DRC5: variants seen among roughly 807,000 people sequenced by gnomAD.
DRC5 encodes T-complex-associated testis-expressed protein 1.
the DRC5 span, among the ~76,000 whole-genome samples, chr6:44,283,739 C>T: frequency 1.3e-5 from 2 of 152,236 alleles, no homozygotes; most frequent in African/African-American, 4.8e-5. Flanking sequence ...CACCAATAGG[C>T]TTGTAACGCT....
the DRC5 span, among the ~76,000 whole-genome samples, chr6:44,294,675 G>GA: frequency 7.4e-6 from 1 of 135,542 alleles, no homozygotes; most frequent in Non-Finnish European, 1.5e-5. Flanking sequence ...ATAATTAGGG[G>GA]AAAAAAATGA....
chr6:44,281,022 T>C, the DRC5 span, among the ~76,000 whole-genome samples: 4 of 102,184 alleles, frequency 3.9e-5, no homozygotes, highest in Non-Finnish European at 8.6e-5. Flanking sequence ...CTCTAGAAAC[T>C]GTGTGTGTGT....
the DRC5 span, chr6:44,279,787 G>T: frequency 5.0e-6 from 1 of 198,678 alleles, no homozygotes; most frequent in Non-Finnish European, 1.0e-5. Flanking sequence ...GTGTGTGTGT[G>T]TGTGTGTGTT....
the DRC5 span, chr6:44,282,198 G>C: frequency 6.8e-6 from 11 of 1,614,232 alleles, no homozygotes; most frequent in Non-Finnish European, 8.5e-6. Context: ...GGTGGGCTCA[G>C]ACAGCTCATT....
chr6:44,296,486 A>C, the DRC5 span, among the ~76,000 whole-genome samples: 2 of 152,186 alleles, frequency 1.3e-5, no homozygotes, highest in Admixed American at 1.3e-4. Flanking sequence ...GGTCTTCTCC[A>C]TCCTTCCTCA....
chr6:44,293,743 G>C, the DRC5 span, among the ~76,000 whole-genome samples: 1 of 152,136 alleles, frequency 6.6e-6, no homozygotes, highest in Non-Finnish European at 1.5e-5. Flanking sequence ...GCCTCCCCGG[G>C]CTAAGTGCGC....
the DRC5 span, among the ~76,000 whole-genome samples, chr6:44,289,264 T>G: frequency 6.6e-6 from 1 of 151,952 alleles, no homozygotes; most frequent in African/African-American, 2.4e-5. Flanking sequence ...CTTGAACTCC[T>G]GACCTCAGGT....
chr6:44,285,849 G>T, the DRC5 span: 1 of 1,037,022 alleles, frequency 9.6e-7, no homozygotes, highest in Non-Finnish European at 1.4e-6. Flanking sequence ...AAAACACTTG[G>T]CCAATGAAAG....
At chr6:44,280,054 G>T in the DRC5 span, 1 of 854,028 alleles carries the variant, frequency 1.2e-6, no homozygotes, top group Non-Finnish European at 1.9e-6. Flanking sequence ...TACAACCCTT[G>T]ATCACTCCAA....
At chr6:44,287,515 T>C in the DRC5 span, 1 of 1,575,642 alleles carries the variant, frequency 6.3e-7, no homozygotes, top group East Asian at 2.2e-5. Context: ...CCTCTTGGCC[T>C]TCTCCTGCCC....
At chr6:44,289,042 C>CTTTTTT in the DRC5 span, among the ~76,000 whole-genome samples, 1 of 78,944 alleles carries the variant, frequency 1.3e-5, no homozygotes, top group African/African-American at 5.1e-5. Context: ...GTGAAATTAG[C>CTTTTTT]TTTTTTTTTT....
At chr6:44,287,482 A>T in the DRC5 span, 5 of 1,505,902 alleles carry the variant, frequency 3.3e-6, no homozygotes, top group Non-Finnish European at 3.6e-6. Flanking sequence ...TTGGCTCCGG[A>T]CAGTCCCCAC....
chr6:44,292,999 C>T, the DRC5 span, among the ~76,000 whole-genome samples: 1 of 152,180 alleles, frequency 6.6e-6, no homozygotes, highest in Admixed American at 6.5e-5. Flanking sequence ...TGGGTTTCTA[C>T]TCCTTTTGAC....
At chr6:44,280,385 A>G in the DRC5 span, 170 of 1,612,356 alleles carry the variant, frequency 1.1e-4, no homozygotes, top group African/African-American at 1.9e-3. Context: ...GCTGCTTCCC[A>G]CCGTCCTGGG....
At chr6:44,282,530 A>G in the DRC5 span, 2 of 1,597,780 alleles carry the variant, frequency 1.3e-6, no homozygotes, top group South Asian at 2.2e-5. Flanking sequence ...CCTTGTCATC[A>G]TCCACCTTGC....
At chr6:44,280,298 C>G in the DRC5 span, 2 of 1,614,238 alleles carry the variant, frequency 1.2e-6, no homozygotes, top group Admixed American at 3.3e-5. Context: ...CAATGAGGTA[C>G]TCGCTTTCCT....
At chr6:44,280,187 C>G in the DRC5 span, 1 of 1,613,900 alleles carries the variant, frequency 6.2e-7, no homozygotes, top group Non-Finnish European at 8.5e-7. Flanking sequence ...CATTTTATCC[C>G]ACAGAGTTCT....
the DRC5 span, among the ~76,000 whole-genome samples, chr6:44,294,772 CAA>C: frequency 5.6e-5 from 5 of 88,764 alleles, no homozygotes; most frequent in East Asian, 3.7e-4. Flanking sequence ...AACTCTGTCT[CAA>C]AAAAAAAAAA....
the DRC5 span, chr6:44,282,691 G>C: frequency 1.5e-6 from 1 of 668,026 alleles, no homozygotes; most frequent in East Asian, 2.7e-5. Context: ...AGGCCTACCA[G>C]CATGGCAGAG....
Sources: gnomAD v4.1 joint callset for allele counts (sites outside exome capture counted in the v4.1 genomes callset) on GRCh38, gnomAD v4.1.1 for gene constraint, MANE v1.5 for transcripts, NCBI Gene and HGNC (gene_info 2026-07-23, HGNC 2026-07-21) for gene names.